Variants in PRKAR2B observed in about 807,000 individuals in gnomAD.
The protein encoded by PRKAR2B is cAMP-dependent protein kinase type II-beta regulatory subunit.
In PRKAR2B, 14 loss-of-function variants were observed where a neutral mutation model predicts 49.9. The observed-to-expected ratio is 0.28, with a 90% CI of 0.19 to 0.44. PRKAR2B has a LOEUF of 0.44. Ranked by LOEUF, PRKAR2B falls within the 20% of genes least tolerant of loss-of-function variation. The pLI is 1.00. For synonymous variants in PRKAR2B, 196 were observed against 197.7 expected, an observed-to-expected ratio of 0.99 and a Z score of 0.07; for missense variants, 393 against 537.9, an observed-to-expected ratio of 0.73 and a Z score of 2.67.
intron 3 of PRKAR2B, among the ~76,000 whole-genome samples, chr7:107,123,342 A>T (rs947946360): frequency 3.9e-5 from 6 of 152,160 alleles, no homozygotes; most frequent in African/African-American, 1.4e-4. Context: ...GCTAATTTCT[A>T]ATAGTTTTGT....
intron 2 of PRKAR2B, among the ~76,000 whole-genome samples, chr7:107,076,279 A>T (rs1338114856): frequency 1.3e-5 from 2 of 152,176 alleles, no homozygotes; most frequent in South Asian, 4.1e-4. Flanking sequence ...CGATACTATT[A>T]TCTCATACAG....
intron 1 of PRKAR2B, among the ~76,000 whole-genome samples, chr7:107,052,185 G>A (rs116618543): frequency 0.019 from 2,936 of 152,228 alleles, 86 homozygotes; most frequent in African/African-American, 0.066. Flanking sequence ...CTGGGAGGCC[G>A]ATGCGGGCGG....
intron 2 of PRKAR2B, among the ~76,000 whole-genome samples, chr7:107,111,850 G>T (rs1356826594): frequency 1.3e-5 from 2 of 151,590 alleles, no homozygotes; most frequent in Non-Finnish European, 2.9e-5. Context: ...TTCACCAGTA[G>T]TATGTAAAAA....
At chr7:107,083,673 C>A (rs1423783262) in intron 2 of PRKAR2B, among the ~76,000 whole-genome samples, 1 of 152,068 alleles carries the variant, frequency 6.6e-6, no homozygotes, top group African/African-American at 2.4e-5. Context: ...AGTGCAGTGG[C>A]ATGATCTCGG....
intron 1 of PRKAR2B, among the ~76,000 whole-genome samples, chr7:107,058,243 A>C (rs1452233369): frequency 1.3e-5 from 2 of 152,178 alleles, no homozygotes; most frequent in African/African-American, 2.4e-5. Context: ...TGTAGGTAGA[A>C]GTATTGAAAA....
intron 1 of PRKAR2B, among the ~76,000 whole-genome samples, chr7:107,061,568 C>T (rs1241349214): frequency 1.3e-5 from 2 of 152,050 alleles, no homozygotes; most frequent in African/African-American, 2.4e-5. Context: ...AATAAGAAGA[C>T]CCTAATCAAA....
intron 1 of PRKAR2B, among the ~76,000 whole-genome samples, chr7:107,051,389 A>T (rs1793800101): frequency 6.6e-6 from 1 of 152,070 alleles, no homozygotes; most frequent in Admixed American, 6.6e-5. Flanking sequence ...GAATGCAGTG[A>T]TTTTTCTGAA....
intron 1 of PRKAR2B, among the ~76,000 whole-genome samples, chr7:107,059,086 G>C (rs996368919): frequency 6.6e-6 from 1 of 151,884 alleles, no homozygotes. Flanking sequence ...TCAGGAGTTC[G>C]AGACCACCCT....
chr7:107,048,097 A>T (rs1461513492), intron 1 of PRKAR2B, among the ~76,000 whole-genome samples: 1 of 152,222 alleles, frequency 6.6e-6, no homozygotes, highest in Non-Finnish European at 1.5e-5. Context: ...CAAAATCAAG[A>T]TTGGGATACA....
chr7:107,130,531 TA>T (rs1199969109), intron 4 of PRKAR2B, among the ~76,000 whole-genome samples: 5 of 151,660 alleles, frequency 3.3e-5, no homozygotes, highest in African/African-American at 9.7e-5. Context: ...AAATAAAAAA[TA>T]AAAAAAAGTT....
intron 1 of PRKAR2B, chr7:107,066,965 C>T (rs976353700): frequency 2.0e-5 from 3 of 152,242 alleles, no homozygotes; most frequent in African/African-American, 7.2e-5. Flanking sequence ...GTCAAGGTTA[C>T]ATGGTTCATC....
intron 6 of PRKAR2B, among the ~76,000 whole-genome samples, chr7:107,149,789 T>C (rs528843495): frequency 3.9e-5 from 6 of 152,294 alleles, no homozygotes; most frequent in African/African-American, 1.4e-4. Flanking sequence ...GAATAAGACC[T>C]AGTATTTGGT....
chr7:107,142,911 C>T (rs960844885), intron 5 of PRKAR2B, among the ~76,000 whole-genome samples: 20 of 152,090 alleles, frequency 1.3e-4, no homozygotes, highest in Non-Finnish European at 2.4e-4. Flanking sequence ...TACAGGTACC[C>T]GCCACCACAC....
chr7:107,135,799 G>C (rs1795691270), intron 4 of PRKAR2B, among the ~76,000 whole-genome samples: 1 of 152,118 alleles, frequency 6.6e-6, no homozygotes, highest in Non-Finnish European at 1.5e-5. Context: ...TTTTTCCCAA[G>C]TTGATCTGTA....
chr7:107,109,515 A>T (rs1407302268), intron 2 of PRKAR2B, among the ~76,000 whole-genome samples: 1 of 151,576 alleles, frequency 6.6e-6, no homozygotes, highest in Non-Finnish European at 1.5e-5. Context: ...CTTCCACCTC[A>T]GCCTCCTAAA....
intron 2 of PRKAR2B, among the ~76,000 whole-genome samples, chr7:107,089,627 A>G (rs966451943): frequency 1.3e-5 from 2 of 152,250 alleles, no homozygotes; most frequent in Non-Finnish European, 2.9e-5. Context: ...TTTTCTAAAA[A>G]CAATAAAGCT....
Position 107,159,478 on chromosome 7 carries a change from C to T in PRKAR2B, c.1153C>T (p.Leu385=). 1 of 1,614,084 alleles carries T rather than the reference C, an allele frequency of 6.2e-7. No homozygotes were observed. The highest frequency in any genetic ancestry group is 1.1e-5 in the South Asian group (1 of 91,074). ...AMDVQAFERL[L]GPCMEIMKRN... ...GGATGTGCAAGCATTTGAAAGGCTT[C>T]TGGGACCTTGCATGGAAATTATGAA... is the stretch of plus-strand genomic sequence containing the variant. The change falls in exon 11 of 11, where the codon CTG becomes TTG. Residue 385 remains leucine (L), a synonymous_variant. Transcript: ENST00000265717.
At chr7:107,137,996 T>A (rs138324615) in intron 4 of PRKAR2B, among the ~76,000 whole-genome samples, 83 of 152,220 alleles carry the variant, frequency 5.5e-4, no homozygotes, top group Admixed American at 5.4e-3. Context: ...AAAATTTTCT[T>A]TGGGTCTAGA....
At chr7:107,133,845 A>T (rs140801622) in intron 4 of PRKAR2B, 1 of 152,236 alleles carries the variant, frequency 6.6e-6, no homozygotes, top group African/African-American at 2.4e-5. Flanking sequence ...AAAGAACAAA[A>T]GAGTAGTCAG....
Sources: allele counts gnomAD v4.1 joint callset (sites outside exome capture counted in the v4.1 genomes callset), GRCh38; gene constraint gnomAD v4.1.1; transcripts MANE v1.5; gene names NCBI Gene and HGNC (gene_info 2026-07-23, HGNC 2026-07-21).